Variants in DLG2 observed in about 807,000 individuals in gnomAD.
DLG2 encodes the protein discs large MAGUK scaffold protein 2, also known as disks large homolog 2.
In DLG2, 45 loss-of-function variants were observed where a neutral mutation model predicts 132.5. The observed-to-expected ratio is 0.34, with a 90% CI of 0.27 to 0.44. The LOEUF (loss-of-function observed/expected upper bound fraction) is 0.44, where lower values mean the gene tolerates loss of function less well. DLG2 is among the 20% of genes least tolerant of loss of function. The pLI, the probability that DLG2 is intolerant of heterozygous loss-of-function variation, is 1.00. For synonymous variants in DLG2, 424 were observed against 419.6 expected (o/e 1.01, Z -0.13); for missense variants, 1,045 against 1,196.9 (o/e 0.87, Z 1.87).
intron 3 of DLG2, among the ~76,000 whole-genome samples, chr11:85,315,898 C>T (rs2080635080): frequency 6.6e-6 from 1 of 151,942 alleles, no homozygotes; most frequent in African/African-American, 2.4e-5. Context: ...TTCCCTGTCT[C>T]CTCTGCTCTG....
At chr11:83,992,654 T>C in intron 11 of DLG2, among the ~76,000 whole-genome samples, 1 of 152,126 alleles carries the variant, frequency 6.6e-6, no homozygotes, top group East Asian at 1.9e-4. Flanking sequence ...GTAGAACCAT[T>C]AATGTACATT....
At chr11:84,799,351 C>G in intron 6 of DLG2, among the ~76,000 whole-genome samples, 1 of 152,160 alleles carries the variant, frequency 6.6e-6, no homozygotes, top group Non-Finnish European at 1.5e-5. Flanking sequence ...GCTCTTCCTC[C>G]CCCAAGTGCA....
chr11:84,195,096 G>A (rs2096490816), intron 8 of DLG2, among the ~76,000 whole-genome samples: 1 of 152,184 alleles, frequency 6.6e-6, no homozygotes, highest in Non-Finnish European at 1.5e-5. Flanking sequence ...GTGGCCTGAG[G>A]TGCCCAGAGC....
chr11:85,110,528 T>C (rs1237535313), intron 6 of DLG2, among the ~76,000 whole-genome samples: 1 of 152,128 alleles, frequency 6.6e-6, no homozygotes, highest in Admixed American at 6.6e-5. Context: ...AACATTTTTA[T>C]TCTCTGAGTC....
chr11:84,804,037 G>C (rs1278820368), intron 6 of DLG2, among the ~76,000 whole-genome samples: 1 of 152,100 alleles, frequency 6.6e-6, no homozygotes, highest in African/African-American at 2.4e-5. Flanking sequence ...ATTTTACTAT[G>C]GTAGCAATTA....
intron 19 of DLG2, among the ~76,000 whole-genome samples, chr11:83,573,267 C>T (rs1259517612): frequency 2.0e-5 from 3 of 152,062 alleles, no homozygotes; most frequent in Admixed American, 6.6e-5. Flanking sequence ...ATTATAGTCT[C>T]CAACTGAAGT....
intron 14 of DLG2, among the ~76,000 whole-genome samples, chr11:83,939,160 C>T (rs708241): frequency 0.14 from 21,680 of 152,136 alleles, 1,850 homozygotes; most frequent in East Asian, 0.3. Context: ...ACTTAGTACA[C>T]CTTTTTGAGT....
At chr11:85,271,236 G>C (rs188236631) in intron 4 of DLG2, among the ~76,000 whole-genome samples, 28 of 152,294 alleles carry the variant, frequency 1.8e-4, no homozygotes, top group Admixed American at 9.8e-4. Flanking sequence ...CCCAAGCCTT[G>C]GCTGCTTTCA....
rs189138484 is a variant in DLG2, at chr11:85,505,901, G to A, written c.40+92756C>T. Among the ~76,000 whole-genome samples, 245 of 152,244 alleles carry A rather than the reference G, an allele frequency of 1.6e-3. 1 individual carries two copies. The highest frequency in any genetic ancestry group is 2.7e-3 in the Non-Finnish European group (181 of 67,998). On this transcript the variant is annotated intron_variant, in intron 3 of 27. Coordinates refer to ENST00000376104, the MANE Select transcript of DLG2 (RefSeq NM_001142699.3). ...AATTACTGCTTCAATATCAGAACCT[G>A]TTTTTGGTCTATTCAGGGATTTAAC...
At chr11:85,047,234 G>A (rs752640393) in intron 6 of DLG2, among the ~76,000 whole-genome samples, 2 of 151,804 alleles carry the variant, frequency 1.3e-5, no homozygotes, top group Non-Finnish European at 2.9e-5. Context: ...GTTGTCCCTC[G>A]ATTTTAGTGC....
At chr11:84,194,201 A>C (rs1451944920) in intron 8 of DLG2, among the ~76,000 whole-genome samples, 1 of 151,994 alleles carries the variant, frequency 6.6e-6, no homozygotes, top group African/African-American at 2.4e-5. Flanking sequence ...CTCACTCTCT[A>C]TGTCCTTTTG....
chr11:85,422,437 A>G (rs2152997001), intron 3 of DLG2, among the ~76,000 whole-genome samples: 1 of 151,798 alleles, frequency 6.6e-6, no homozygotes, highest in African/African-American at 2.4e-5. Context: ...CTTGTCTTCA[A>G]GCTCTAAATT....
intron 6 of DLG2, among the ~76,000 whole-genome samples, chr11:84,892,865 T>TATC: frequency 6.6e-6 from 1 of 152,084 alleles, no homozygotes; most frequent in Middle Eastern, 3.4e-3. Flanking sequence ...TTCCTCACTC[T>TATC]ATCATCATAC....
At chr11:84,871,882 C>T (rs1279171230) in intron 6 of DLG2, among the ~76,000 whole-genome samples, 1 of 152,108 alleles carries the variant, frequency 6.6e-6, no homozygotes, top group Non-Finnish European at 1.5e-5. Context: ...ACCATGTTGG[C>T]CAGGCTGCTC....
chr11:83,709,084 G>A (rs2084743201), intron 18 of DLG2, among the ~76,000 whole-genome samples: 1 of 151,714 alleles, frequency 6.6e-6, no homozygotes, highest in Non-Finnish European at 1.5e-5. Context: ...CCCTCTTAAA[G>A]GTAAGAGACA....
rs938891591 is a variant in DLG2 at position 83,457,095 on chromosome 11, T to G, written c.*2723A>C. On this transcript the variant is annotated 3_prime_UTR_variant, in exon 28 of 28. Coordinates refer to ENST00000376104, the MANE Select transcript of DLG2 (RefSeq NM_001142699.3). ...CCAGTTACACGATCTGGCACTTTTC[T>G]GAAAGGGCCCAGCATGTGTGAAGGT... 6.6e-6 allele frequency: 1 copy of G among 152,614 alleles called. No individual in the cohort carries two copies. Among genetic ancestry groups the G allele is most frequent in the African/African-American group, 2.4e-5 (1 of 41,450 alleles). The allele number at this position is 152,614 out of a possible 1,614,324, so 9.5% of individuals were successfully genotyped here.
intron 18 of DLG2, among the ~76,000 whole-genome samples, chr11:83,634,105 A>G (rs894460804): frequency 6.6e-6 from 1 of 152,110 alleles, no homozygotes; most frequent in Non-Finnish European, 1.5e-5. Context: ...TAATTTAACT[A>G]AATTTTGTTA....
At chr11:84,392,974 A>T (rs1010955576) in intron 7 of DLG2, among the ~76,000 whole-genome samples, 3 of 152,148 alleles carry the variant, frequency 2.0e-5, no homozygotes, top group African/African-American at 7.2e-5. Context: ...TGAACATTTT[A>T]AAAAAAGTAT....
At chr11:84,818,157 G>A (rs1327725711) in intron 6 of DLG2, among the ~76,000 whole-genome samples, 1 of 151,950 alleles carries the variant, frequency 6.6e-6, no homozygotes, top group Non-Finnish European at 1.5e-5. Flanking sequence ...AAGGCACACT[G>A]CAGAATTCAA....
Sources: gnomAD v4.1 joint callset for allele counts (sites outside exome capture counted in the v4.1 genomes callset) on GRCh38, gnomAD v4.1.1 for gene constraint, MANE v1.5 for transcripts, NCBI Gene and HGNC (gene_info 2026-07-23, HGNC 2026-07-21) for gene names.